The following NEK7 variants were observed in gnomAD, a reference collection of about 807,000 sequenced individuals.
NEK7 encodes the protein serine/threonine-protein kinase Nek7.
In NEK7, 18 loss-of-function variants were observed where a neutral mutation model predicts 44.6. The observed-to-expected ratio is 0.40, with a 90% CI of 0.28 to 0.60. NEK7 has a LOEUF of 0.60. Ranked by LOEUF, NEK7 falls within the 20% of genes least tolerant of loss-of-function variation. The pLI is 0.38. For missense variants in NEK7, 256 were observed against 366.5 expected, an observed-to-expected ratio of 0.70 and a Z score of 2.46; for synonymous variants, 130 against 121.1, an observed-to-expected ratio of 1.07 and a Z score of -0.48.
At chr1:198,213,668 G>T (rs534370723) in intron 1 of NEK7, among the ~76,000 whole-genome samples, 51 of 152,302 alleles carry the variant, frequency 3.3e-4, no homozygotes, top group African/African-American at 1.2e-3. Flanking sequence ...TGGGTTAGGA[G>T]TGTTACTGGG....
chr1:198,184,999 ATAG>A (rs1664876437), intron 1 of NEK7, among the ~76,000 whole-genome samples: 1 of 152,072 alleles, frequency 6.6e-6, no homozygotes, highest in South Asian at 2.1e-4. Flanking sequence ...AAATAGAAAG[ATAG>A]TGGTGATTTT....
intron 2 of NEK7, among the ~76,000 whole-genome samples, chr1:198,242,702 T>C (rs1571564765): frequency 6.6e-6 from 1 of 151,884 alleles, no homozygotes; most frequent in Non-Finnish European, 1.5e-5. Flanking sequence ...GACCTCGTGA[T>C]CCACCCGCCT....
intron 1 of NEK7, chr1:198,221,255 C>T (rs1271469648): frequency 6.6e-6 from 1 of 151,784 alleles, no homozygotes; most frequent in Non-Finnish European, 1.5e-5. Context: ...AGAGGAAGTC[C>T]GTTTGAACAA....
chr1:198,198,169 G>A lies in NEK7; in HGVS notation c.-28-34384G>A, dbSNP rs147267130. Reference sequence around the variant, plus strand: ...GATATGGATTTGGTCCTGGCTGGCCGGCATTGGGATTCCACATGTTGAGGT... The same window carrying A: ...GATATGGATTTGGTCCTGGCTGGCCAGCATTGGGATTCCACATGTTGAGGT... On this transcript the variant is annotated intron_variant, in intron 1 of 9. Transcript: ENST00000367385. 6.0e-4 allele frequency: 464 copies of A among 773,052 alleles called. 2 individuals carry two copies. In the African/African-American group the frequency reaches 6.9e-3, roughly 12 times the overall value. 47.9% of individuals were successfully genotyped at this position (773,052 alleles called of 1,614,324 possible). A position where few individuals can be genotyped will look rare whatever the true frequency, so the allele number is the denominator to read the frequency against.
intron 1 of NEK7, among the ~76,000 whole-genome samples, chr1:198,217,806 A>G (rs958049652): frequency 8.7e-5 from 13 of 149,388 alleles, no homozygotes; most frequent in Admixed American, 1.3e-4. Context: ...GTTAATAATC[A>G]AATCAAGAAC....
At chr1:198,280,005 G>A (rs904820927) in intron 7 of NEK7, among the ~76,000 whole-genome samples, 35 of 151,952 alleles carry the variant, frequency 2.3e-4, no homozygotes, top group Non-Finnish European at 8.8e-5. Context: ...ATTTTTAACA[G>A]GATTTCAATT....
chr1:198,307,136 C>T (rs1317686211), intron 9 of NEK7, among the ~76,000 whole-genome samples: 4 of 152,050 alleles, frequency 2.6e-5, no homozygotes, highest in Admixed American at 6.6e-5. Flanking sequence ...CTTCCTTTAT[C>T]TCATGGCACA....
chr1:198,317,877 A>ATTTTTGTTT (rs537862004), intron 9 of NEK7, among the ~76,000 whole-genome samples: 24 of 70,270 alleles, frequency 3.4e-4, no homozygotes, highest in Admixed American at 6.1e-4. Context: ...GGATATATTT[A>ATTTTTGTTT]TTTTTTTTTT....
intron 3 of NEK7, among the ~76,000 whole-genome samples, chr1:198,260,468 A>C (rs1395356279): frequency 6.8e-6 from 1 of 147,426 alleles, no homozygotes; most frequent in Non-Finnish European, 1.5e-5. Flanking sequence ...ATCGTGTTGC[A>C]TTCTGTTCCA....
chr1:198,315,309 G>A (rs541232750), intron 9 of NEK7, among the ~76,000 whole-genome samples: 61 of 152,304 alleles, frequency 4.0e-4, no homozygotes, highest in Non-Finnish European at 6.6e-4. Context: ...CATGGTGCGC[G>A]CACCCACTGA....
intron 1 of NEK7, among the ~76,000 whole-genome samples, chr1:198,170,611 A>G (rs968290483): frequency 6.6e-6 from 1 of 152,182 alleles, no homozygotes; most frequent in Non-Finnish European, 1.5e-5. Flanking sequence ...GGATCCCCTC[A>G]TGGAGAAAAT....
chr1:198,223,824 AT>A (rs551037335), intron 1 of NEK7, among the ~76,000 whole-genome samples: 3 of 151,938 alleles, frequency 2.0e-5, no homozygotes, highest in African/African-American at 7.3e-5. Flanking sequence ...GATTAATGTG[AT>A]TTTTTTTAAT....
At chr1:198,229,339 G>A (rs1444496356) in intron 1 of NEK7, among the ~76,000 whole-genome samples, 1 of 152,162 alleles carries the variant, frequency 6.6e-6, no homozygotes. Context: ...CTTATGCTTT[G>A]TAATATTCTT....
chr1:198,243,869 A>T (rs771626305), intron 2 of NEK7, among the ~76,000 whole-genome samples: 30 of 152,198 alleles, frequency 2.0e-4, no homozygotes, highest in Non-Finnish European at 8.8e-5. Flanking sequence ...ACGAATAATT[A>T]GGTCTTGGTG....
intron 1 of NEK7, among the ~76,000 whole-genome samples, chr1:198,174,218 A>T (rs546143029): frequency 8.5e-5 from 13 of 152,346 alleles, no homozygotes; most frequent in Admixed American, 5.9e-4. Flanking sequence ...TATAACTTTG[A>T]TTTACCTTGT....
chr1:198,203,047 T>A (rs1665481870), intron 1 of NEK7, among the ~76,000 whole-genome samples: 1 of 152,154 alleles, frequency 6.6e-6, no homozygotes, highest in Non-Finnish European at 1.5e-5. Context: ...TAAAATACTA[T>A]GACGTTTTCA....
intron 1 of NEK7, among the ~76,000 whole-genome samples, chr1:198,202,858 G>T (rs1665474761): frequency 6.6e-6 from 1 of 152,098 alleles, no homozygotes; most frequent in Admixed American, 6.5e-5. Context: ...ATGAGATTTG[G>T]GTGGGGACAC....
intron 4 of NEK7, among the ~76,000 whole-genome samples, chr1:198,263,508 G>A (rs1196930783): frequency 1.3e-5 from 2 of 151,898 alleles, no homozygotes; most frequent in Non-Finnish European, 2.9e-5. Flanking sequence ...GTATTAATAT[G>A]TTTAAAGATT....
intron 1 of NEK7, among the ~76,000 whole-genome samples, chr1:198,210,286 A>C (rs1327244662): frequency 6.6e-6 from 1 of 152,168 alleles, no homozygotes; most frequent in East Asian, 1.9e-4. Flanking sequence ...GGGTCTTGCT[A>C]TGTTGCTTAG....
Sources: gnomAD v4.1 joint callset for allele counts (sites outside exome capture counted in the v4.1 genomes callset) on GRCh38, gnomAD v4.1.1 for gene constraint, MANE v1.5 for transcripts, NCBI Gene and HGNC (gene_info 2026-07-23, HGNC 2026-07-21) for gene names.